Variants in ADAMTS6 observed in about 807,000 individuals in gnomAD.
The protein encoded by ADAMTS6 is ADAM metallopeptidase with thrombospondin type 1 motif 6.
Under a neutral mutation model 144.3 loss-of-function variants are expected in ADAMTS6, and 23 were observed. That is an observed-to-expected ratio of 0.16 (90% CI 0.11 to 0.23). The LOEUF is 0.23. ADAMTS6 is among the 10% of genes least tolerant of loss of function. The pLI is 1.00. For synonymous variants in ADAMTS6, 444 were observed against 457.5 expected (o/e 0.97, Z 0.38); for missense variants, 999 against 1,379.6 (o/e 0.72, Z 4.37).
At chr5:65,414,228 C>T (rs1456777712) in intron 7 of ADAMTS6, among the ~76,000 whole-genome samples, 1 of 152,056 alleles carries the variant, frequency 6.6e-6, no homozygotes, top group Non-Finnish European at 1.5e-5. Flanking sequence ...CTTTATCAAA[C>T]CTAGTATAAA....
intron 22 of ADAMTS6, among the ~76,000 whole-genome samples, chr5:65,180,465 C>T (rs1754276382): frequency 6.6e-6 from 1 of 152,142 alleles, no homozygotes; most frequent in Admixed American, 6.5e-5. Context: ...TCTACCCCTA[C>T]AATCCATCAC....
At chr5:65,364,688 T>C (rs1171820613) in intron 7 of ADAMTS6, among the ~76,000 whole-genome samples, 1 of 150,404 alleles carries the variant, frequency 6.6e-6, no homozygotes, top group Non-Finnish European at 1.5e-5. Context: ...TGCCTCAGCC[T>C]CCTGAGTAGC....
chr5:65,445,045 T>C (rs1472316841), intron 7 of ADAMTS6, among the ~76,000 whole-genome samples: 3 of 152,228 alleles, frequency 2.0e-5, no homozygotes, highest in Admixed American at 6.5e-5. Context: ...ATAAAACCAA[T>C]ATAAATACTT....
At chr5:65,307,123 T>C (rs1043465679) in intron 9 of ADAMTS6, among the ~76,000 whole-genome samples, 1 of 152,230 alleles carries the variant, frequency 6.6e-6, no homozygotes, top group Non-Finnish European at 1.5e-5. Flanking sequence ...TATTATCTTC[T>C]GAAATCGTTA....
intron 7 of ADAMTS6, among the ~76,000 whole-genome samples, chr5:65,437,098 ATT>A (rs546838256): frequency 7.1e-6 from 1 of 141,392 alleles, no homozygotes. Context: ...GGAAACTCCC[ATT>A]TTTTTTTTTT....
intron 7 of ADAMTS6, among the ~76,000 whole-genome samples, chr5:65,451,060 T>A (rs926702975): frequency 6.6e-5 from 10 of 151,430 alleles, no homozygotes; most frequent in Non-Finnish European, 1.5e-4. Flanking sequence ...TTTAATAAAC[T>A]TTAACACAAC....
At chr5:65,327,327 G>C (rs1005312612) in intron 9 of ADAMTS6, among the ~76,000 whole-genome samples, 3 of 151,988 alleles carry the variant, frequency 2.0e-5, no homozygotes, top group Admixed American at 1.3e-4. Flanking sequence ...TATTCCTTTA[G>C]AGCAACACAA....
At chr5:65,355,314 G>A (rs1382087716) in intron 7 of ADAMTS6, among the ~76,000 whole-genome samples, 2 of 151,800 alleles carry the variant, frequency 1.3e-5, no homozygotes, top group Non-Finnish European at 1.5e-5. Context: ...CAATAGCTCA[G>A]AATGATCCTC....
At chr5:65,379,200 G>C (rs1291753526) in intron 7 of ADAMTS6, among the ~76,000 whole-genome samples, 1 of 152,156 alleles carries the variant, frequency 6.6e-6, no homozygotes, top group Non-Finnish European at 1.5e-5. Flanking sequence ...TTCCCAATTT[G>C]TAAAGGGCAA....
rs139176069 is a variant in ADAMTS6 at position 65,232,956 on chromosome 5, C to T, written c.1934-6737G>A. Reference sequence around the variant, plus strand: ...GGATGCAAAAGTTTTCAACAAAATACTAGCAAATTAATTAAATGGCAAAAA... The same window carrying T: ...GGATGCAAAAGTTTTCAACAAAATATTAGCAAATTAATTAAATGGCAAAAA... On this transcript the variant is annotated intron_variant, in intron 15 of 24. Transcript: ENST00000381055. 5.7e-4 allele frequency among the ~76,000 whole-genome samples: 87 copies of T among 152,122 alleles called. 1 individual carries two copies. In the Middle Eastern group the frequency reaches 0.01, roughly 18 times the overall value.
intron 7 of ADAMTS6, among the ~76,000 whole-genome samples, chr5:65,365,455 G>C (rs1750217236): frequency 6.6e-6 from 1 of 152,034 alleles, no homozygotes; most frequent in African/African-American, 2.4e-5. Flanking sequence ...AGATCAGCTT[G>C]GCCAACATGG....
chr5:65,439,844 C>T (rs146095605), intron 7 of ADAMTS6, among the ~76,000 whole-genome samples: 460 of 152,260 alleles, frequency 3.0e-3, no homozygotes, highest in African/African-American at 0.011. Context: ...CACTTTGTCA[C>T]CCAGGCTGCA....
chr5:65,327,015 G>A (rs1746234977), intron 9 of ADAMTS6, among the ~76,000 whole-genome samples: 1 of 152,190 alleles, frequency 6.6e-6, no homozygotes, highest in African/African-American at 2.4e-5. Context: ...GGTGGGGCCT[G>A]GTGGGAGGTA....
intron 7 of ADAMTS6, among the ~76,000 whole-genome samples, chr5:65,387,939 G>A (rs1403402254): frequency 1.3e-5 from 2 of 152,202 alleles, no homozygotes; most frequent in East Asian, 1.9e-4. Context: ...GGCCGGGCAC[G>A]GTGGCTCACA....
intron 7 of ADAMTS6, among the ~76,000 whole-genome samples, chr5:65,433,946 A>C (rs962795811): frequency 1.3e-5 from 2 of 152,074 alleles, no homozygotes; most frequent in Non-Finnish European, 2.9e-5. Flanking sequence ...CCACACAAAA[A>C]CTCCCACATG....
In ADAMTS6 at chr5:65,396,367, T is replaced by C. The variant is rs77947913; in HGVS notation, c.1073+55108A>G. 1.8e-3 allele frequency among the ~76,000 whole-genome samples: 267 copies of C among 152,284 alleles called. 2 individuals carry two copies. Among genetic ancestry groups the C allele is most frequent in the Non-Finnish European group, 3.0e-3 (205 of 68,020 alleles). On this transcript the variant is annotated intron_variant, in intron 7 of 24. Coordinates refer to ENST00000381055, the MANE Select transcript of ADAMTS6 (RefSeq NM_197941.4). The stretch of plus-strand genomic sequence containing the variant: ...CAGAAAGAAACTTTAAAATAAAGTT[T>C]ATAGGATTTCAAATGTCTTGATTAT...
At position 65,151,499 on chromosome 5, in the gene ADAMTS6, TA is replaced by T. The variant is rs1752136053; in HGVS notation, c.*336del. 2 of 228,542 alleles carry T rather than the reference TA, an allele frequency of 8.8e-6. No individual in the cohort carries two copies. Among genetic ancestry groups the T allele is most frequent in the Non-Finnish European group, 1.7e-5 (2 of 117,296 alleles). 14.2% of individuals were successfully genotyped at this position (228,542 alleles called of 1,614,324 possible). ...TTCAGTGTCATTGCTAAGTCCATAA[TA>T]AAAATTATCTTAATGGTCCAAGGAG... On this transcript the variant is annotated 3_prime_UTR_variant, in exon 25 of 25. Transcript: ENST00000381055.
chr5:65,309,591 T>TACAC (rs149843490), intron 9 of ADAMTS6, among the ~76,000 whole-genome samples: 5,153 of 147,262 alleles, frequency 0.035, 211 homozygotes, highest in African/African-American at 0.094. Flanking sequence ...CCTGTTATAA[T>TACAC]ACACACACAC....
At chr5:65,338,355 G>A (rs879662078) in intron 7 of ADAMTS6, among the ~76,000 whole-genome samples, 1 of 152,192 alleles carries the variant, frequency 6.6e-6, no homozygotes, top group African/African-American at 2.4e-5. Flanking sequence ...AATGACGTTG[G>A]ACAATTGAGC....
Sources: allele counts gnomAD v4.1 joint callset (sites outside exome capture counted in the v4.1 genomes callset), GRCh38; gene constraint gnomAD v4.1.1; transcripts MANE v1.5; gene names NCBI Gene and HGNC (gene_info 2026-07-23, HGNC 2026-07-21).